Variants in MGRN1 observed in about 807,000 individuals in gnomAD.
MGRN1 encodes the protein E3 ubiquitin-protein ligase MGRN1.
In MGRN1, 29 loss-of-function variants were observed where a neutral mutation model predicts 69.2. The ratio of observed to expected loss-of-function variants is 0.42; its 90% CI spans 0.31 to 0.57. The LOEUF is 0.57. MGRN1 is among the 20% of genes least tolerant of loss of function. The pLI is 0.15. For missense variants in MGRN1, 998 were observed against 796.2 expected (o/e 1.25, Z -3.05); for synonymous variants, 470 against 344.2 (o/e 1.37, Z -4.04).
intron 1 of MGRN1, among the ~76,000 whole-genome samples, chr16:4,628,096 A>G (rs1438757520): frequency 6.9e-6 from 1 of 145,162 alleles, no homozygotes; most frequent in Non-Finnish European, 1.5e-5. Context: ...AAAAAAAAAA[A>G]AGAATTGTGG....
At position 4,689,834 on chromosome 16, in the gene MGRN1, C is replaced by T. The variant is rs766531817; in HGVS notation, c.*926C>T. On this transcript the variant is annotated 3_prime_UTR_variant, in exon 17 of 17. Coordinates refer to ENST00000262370, the MANE Select transcript of MGRN1 (RefSeq NM_015246.4). Reference sequence around the variant, plus strand: ...AGGCTGGAGTGCAGTGGCTCAATCTCGGGTCACTGCAACCTCCGCCTCCCG... The same window carrying T: ...AGGCTGGAGTGCAGTGGCTCAATCTTGGGTCACTGCAACCTCCGCCTCCCG... The T allele has an allele frequency of 2.0e-5, 3 of 150,930 alleles. No homozygotes were observed. The highest frequency in any genetic ancestry group is 2.9e-5 in the Non-Finnish European group (2 of 67,944). 9.3% of individuals were successfully genotyped at this position (150,930 alleles called of 1,614,324 possible).
intron 1 of MGRN1, among the ~76,000 whole-genome samples, chr16:4,647,965 G>A (rs1023694924): frequency 1.3e-5 from 2 of 152,112 alleles, no homozygotes; most frequent in African/African-American, 2.4e-5. Context: ...CTTGGTGGCC[G>A]TGGCTGTGCC....
At chr16:4,657,459 C>A in intron 5 of MGRN1, 96 bp downstream of exon 5, 1 of 1,224,404 alleles carries the variant, frequency 8.2e-7, no homozygotes, top group Non-Finnish European at 1.2e-6. Flanking sequence ...TGTTTGGCTT[C>A]CTCCAGGGTT....
intron 8 of MGRN1, 54 bp downstream of exon 8, chr16:4,668,366 A>G (rs1368768980): frequency 4.0e-5 from 64 of 1,582,636 alleles, no homozygotes; most frequent in Non-Finnish European, 4.3e-6. Context: ...CACATATACA[A>G]TCACTCACAC....
chr16:4,675,752 T>TA (rs1041152811), intron 10 of MGRN1, among the ~76,000 whole-genome samples: 1 of 151,100 alleles, frequency 6.6e-6, no homozygotes, highest in African/African-American at 2.5e-5. Flanking sequence ...AAAAAAAAAT[T>TA]ATAGCGAAGT....
chr16:4,686,030 G>A (rs950742909), intron 16 of MGRN1, among the ~76,000 whole-genome samples: 2 of 152,194 alleles, frequency 1.3e-5, no homozygotes, highest in Admixed American at 6.5e-5. Flanking sequence ...CTGCGGCAGC[G>A]GGAGGTATGG....
At position 4,682,888 on chromosome 16, in the gene MGRN1, A is replaced by G. The variant is rs2079220527; in HGVS notation, c.1424A>G (p.Asp475Gly). The G allele has an allele frequency of 2.5e-6, 4 of 1,609,186 alleles. No homozygotes were observed. The South Asian group carries it at 3.3e-5, about 13-fold the overall frequency. Reference protein sequence around the residue: ...EDEEKLSEDVDAPPPLGGAEL... With the variant: ...EDEEKLSEDVGAPPPLGGAEL... ...GAGGAGAAGCTCTCCGAGGACGTGG[A>G]CGCCCCTCCCCCACTGGGTGGCGCA... The change falls in exon 14 of 17, where the codon GAC (aspartate) becomes GGC (glycine). Residue 475 changes from aspartate to glycine, a missense_variant. Transcript: ENST00000262370.
At chr16:4,643,497 A>C (rs191691416) in intron 1 of MGRN1, among the ~76,000 whole-genome samples, 89 of 144,088 alleles carry the variant, frequency 6.2e-4, no homozygotes, top group Admixed American at 1.2e-3. Flanking sequence ...AGCCCCTCCC[A>C]AGTACCTGGG....
chr16:4,672,730 G>A (rs1464308313), intron 9 of MGRN1, among the ~76,000 whole-genome samples: 2 of 152,222 alleles, frequency 1.3e-5, no homozygotes, highest in Non-Finnish European at 2.9e-5. Flanking sequence ...CCTAGTTTGT[G>A]GACACCTGTT....
chr16:4,673,500 C>T lies in MGRN1; in HGVS notation c.798C>T (p.Pro266=), dbSNP rs781115521. 1.2e-5 allele frequency: 20 copies of T among 1,612,094 alleles called. No individual in the cohort carries two copies. In the East Asian group the frequency reaches 4.0e-4, roughly 32 times the overall value. Residue 266 remains proline (P), a splice_region_variant and synonymous_variant, in exon 10 of 17, where the codon CCC becomes CCT. Transcript: ENST00000262370. ...CCCACAAGCCCTTGTCCCGGCAGCCCTCGGACGACGAGAACAGCGACAACA... is the reference window on the plus strand; with the variant it reads ...CCCACAAGCCCTTGTCCCGGCAGCCTTCGGACGACGAGAACAGCGACAACA... ...IENKNNQETK[P]SDDENSDNSN... is the part of the protein sequence containing the mutation.
intron 10 of MGRN1, among the ~76,000 whole-genome samples, chr16:4,675,774 A>G (rs1482064355): frequency 2.6e-5 from 4 of 152,056 alleles, no homozygotes; most frequent in Non-Finnish European, 5.9e-5. Flanking sequence ...AAAACAAAGT[A>G]TGCTGGGTAG....
chr16:4,687,382 G>A (rs844488), intron 16 of MGRN1: 523,782 of 918,268 alleles, frequency 0.57, 151,411 homozygotes, highest in East Asian at 0.64. Flanking sequence ...CCCTCTCTAT[G>A]AAAAATAAAA....
chr16:4,639,937 C>G (rs866410886), intron 1 of MGRN1: 1 of 152,374 alleles, frequency 6.6e-6, no homozygotes, highest in Non-Finnish European at 1.5e-5. Flanking sequence ...CCTCCACGCT[C>G]CGCGGCTCCG....
chr16:4,685,813 G>A (rs539981792), intron 16 of MGRN1, among the ~76,000 whole-genome samples: 16 of 152,338 alleles, frequency 1.1e-4, no homozygotes, highest in African/African-American at 2.6e-4. Context: ...GGGTGCAGCC[G>A]CTGCCTGGCG....
intron 5 of MGRN1, among the ~76,000 whole-genome samples, chr16:4,662,839 G>T (rs935884260): frequency 6.6e-6 from 1 of 152,186 alleles, no homozygotes; most frequent in Non-Finnish European, 1.5e-5. Flanking sequence ...TCAGGGGCGG[G>T]TGCTTGGCTG....
At chr16:4,651,885 G>T in intron 2 of MGRN1, 78 bp from the exon 3 acceptor site, 1 of 1,287,950 alleles carries the variant, frequency 7.8e-7, no homozygotes, top group Non-Finnish European at 1.1e-6. Flanking sequence ...TGGGGCTGTG[G>T]CTGCTGCACC....
chr16:4,681,416 C>T, intron 12 of MGRN1, 134 bp from the exon 13 acceptor site: 3 of 806,758 alleles, frequency 3.7e-6, no homozygotes, highest in South Asian at 3.8e-5. Flanking sequence ...TGCCAGGGAG[C>T]TCTTGGCCAC....
At chr16:4,688,389 C>T (rs974319241) in intron 16 of MGRN1, 44 of 1,010,966 alleles carry the variant, frequency 4.4e-5, no homozygotes, top group Admixed American at 5.7e-5. Context: ...CCGCTCCCCA[C>T]CCCTGCACCC....
intron 15 of MGRN1, 49 bp from the exon 16 acceptor site, chr16:4,683,794 G>A (rs780778039): frequency 2.8e-5 from 43 of 1,561,494 alleles, no homozygotes; most frequent in East Asian, 1.4e-4. Context: ...GGGACCTGCC[G>A]GGACCTGGCC....
Sources: allele counts gnomAD v4.1 joint callset (sites outside exome capture counted in the v4.1 genomes callset), GRCh38; gene constraint gnomAD v4.1.1; transcripts MANE v1.5; gene names NCBI Gene and HGNC (gene_info 2026-07-23, HGNC 2026-07-21).